The following RCC2 variants were observed in gnomAD, a reference collection of about 807,000 sequenced individuals.
The protein encoded by RCC2 is regulator of chromosome condensation 2, also known as protein RCC2.
In RCC2, 19 loss-of-function variants were observed where a neutral mutation model predicts 64.1. The ratio of observed to expected loss-of-function variants is 0.30; its 90% CI spans 0.21 to 0.44. The LOEUF is 0.44. Ranked by LOEUF, RCC2 falls within the 20% of genes least tolerant of loss-of-function variation. The pLI is 1.00. For synonymous variants in RCC2, 325 were observed against 279.6 expected, an observed-to-expected ratio of 1.16 and a Z score of -1.62; for missense variants, 508 against 710.4, an observed-to-expected ratio of 0.72 and a Z score of 3.24.
At chr1:17,417,790 T>C (rs993662149) in intron 7 of RCC2, among the ~76,000 whole-genome samples, 12 of 152,116 alleles carry the variant, frequency 7.9e-5, no homozygotes, top group African/African-American at 2.7e-4. Context: ...TCAGCCCTTA[T>C]TGGTATGTGT....
chr1:17,428,972 T>G (rs1426002576), intron 3 of RCC2, 134 bp downstream of exon 3: 2 of 705,810 alleles, frequency 2.8e-6, no homozygotes, highest in Non-Finnish European at 5.1e-6. Flanking sequence ...ACAGTGGCTG[T>G]GTGGCCTCAG....
intron 2 of RCC2, among the ~76,000 whole-genome samples, chr1:17,430,831 C>CGATT (rs2075667930): frequency 6.6e-6 from 1 of 151,772 alleles, no homozygotes; most frequent in Non-Finnish European, 1.5e-5. Flanking sequence ...CGGGTTCAAA[C>CGATT]GATTCTCTTG....
intron 11 of RCC2, among the ~76,000 whole-genome samples, chr1:17,411,780 G>GT (rs1488485807): frequency 2.0e-5 from 3 of 152,190 alleles, no homozygotes; most frequent in Non-Finnish European, 4.4e-5. Context: ...ACAACTGTGA[G>GT]TTTCCCACTG....
At position 17,416,395 on chromosome 1, in the gene RCC2, C is replaced by T. The variant is rs1029587334; in HGVS notation, c.1026+85G>A. On this transcript the variant is annotated intron_variant, in intron 8 of 12. Transcript: ENST00000375436. ...TGTCTACCTGGGATCAGTTCCTAGCCAAAGCCAAGCGTCAGGAAACTTGAG... is the reference window on the plus strand; with the variant it reads ...TGTCTACCTGGGATCAGTTCCTAGCTAAAGCCAAGCGTCAGGAAACTTGAG... 4 of 1,463,694 alleles carry T rather than the reference C, an allele frequency of 2.7e-6. No individual in the cohort carries two copies. In the African/African-American group the frequency reaches 4.2e-5, roughly 15 times the overall value. The allele number at this position is 1,463,694 out of a possible 1,614,324, so 90.7% of individuals were successfully genotyped here.
Position 17,438,464 on chromosome 1 carries a change from GC to G in RCC2, c.50del (p.Gly17AlafsTer91). On this transcript the variant is annotated frameshift_variant, in exon 2 of 13. Transcript: ENST00000375436. LOFTEE classifies it high-confidence loss of function. ...AAAAWEEPSSGNGTARAGPRK... is the reference protein window; with the variant it reads ...AAAAWEEPSSXNGTARAGPRK... ...TGGGCCCGGCGCGGGCAGTGCCGTT[GC>G]CCGAGCTCGGCTCCTCCCAGGCCGC... 7.5e-7 allele frequency: 1 copy of G among 1,325,948 alleles called. No individual in the cohort carries two copies. The highest frequency in any genetic ancestry group is 9.6e-7 in the Non-Finnish European group (1 of 1,041,906). 82.1% of individuals were successfully genotyped at this position (1,325,948 alleles called of 1,614,324 possible).
chr1:17,422,581 G>A, intron 5 of RCC2, 124 bp downstream of exon 5: 3 of 1,304,488 alleles, frequency 2.3e-6, no homozygotes, highest in African/African-American at 1.5e-5. Context: ...AAGGTTCTCA[G>A]GGCCTCTTTC....
In RCC2 at chr1:17,425,633, C is replaced by G. The variant is rs1325576382; in HGVS notation, c.431G>C (p.Cys144Ser). 5 of 1,614,064 alleles carry G rather than the reference C, an allele frequency of 3.1e-6. No individual in the cohort carries two copies. The highest frequency in any genetic ancestry group is 4.2e-6 in the Non-Finnish European group (5 of 1,179,932). The change falls in exon 4 of 13, where the codon TGC (cysteine) becomes TCC (serine). Residue 144 changes from cysteine (C) to serine (S), a missense_variant. Coordinates refer to ENST00000375436, the MANE Select transcript of RCC2 (RefSeq NM_018715.4). ...TGTCCGCACCCGGACCCCCGCCAGG[C>G]ACCCATATCTGTGGGGCCCCCACAA... ...QNLWGPHRYG[C>S]LAGVRVRTVV...
chr1:17,439,330 C>CTT (rs34171604), intron 1 of RCC2, among the ~76,000 whole-genome samples: 18 of 139,382 alleles, frequency 1.3e-4, no homozygotes, highest in East Asian at 4.3e-4. Flanking sequence ...CCCCTGTCTG[C>CTT]TTTTTTTTTT....
Position 17,420,817 on chromosome 1 carries a change from G to C in RCC2, c.756C>G (p.Asn252Lys), listed in dbSNP as rs778165911. Residue 252 changes from asparagine (N) to lysine (K), a missense_variant, in exon 7 of 13, where the codon AAC becomes AAG. Transcript: ENST00000375436. Reference protein sequence around the residue: ...AVPSPAQIMYNGQPITKMACG... With the variant: ...AVPSPAQIMYKGQPITKMACG... ...AGGCCATTTTGGTAATTGGCTGGCC[G>C]TTGTACATTATCTGAAAAGACAAGA... The C allele has an allele frequency of 1.3e-6, 2 of 1,598,674 alleles. No individual in the cohort carries two copies. The highest frequency in any genetic ancestry group is 8.5e-7 in the Non-Finnish European group (1 of 1,174,162).
chr1:17,429,282 CGAAA>C, intron 2 of RCC2, 83 bp from the exon 3 acceptor site: 1 of 1,087,686 alleles, frequency 9.2e-7, no homozygotes, highest in Non-Finnish European at 1.4e-6. Flanking sequence ...CAGCACGAAA[CGAAA>C]GAAAATCATT....
chr1:17,432,545 T>C (rs1448156783), intron 2 of RCC2, among the ~76,000 whole-genome samples: 3 of 152,128 alleles, frequency 2.0e-5, no homozygotes, highest in Non-Finnish European at 4.4e-5. Flanking sequence ...ACCATTGAAG[T>C]CAAACCACCC....
rs1441825800 is a variant in RCC2 at position 17,416,513 on chromosome 1, A to C, written c.993T>G (p.Val331=). The stretch of plus-strand genomic sequence containing the variant: ...TAGCGCCACAGGCCACGTCTCGTAC[A>C]ACCACGTTTGGTACAGGCAGAATCT... The part of the protein sequence containing the change: ...DGQILPVPNV[V]VRDVACGANH... Residue 331 remains valine, a synonymous_variant, in exon 8 of 13, where the codon GTT becomes GTG. Coordinates refer to ENST00000375436, the MANE Select transcript of RCC2 (RefSeq NM_018715.4). The C allele has an allele frequency of 2.5e-6, 4 of 1,613,648 alleles. No individual in the cohort carries two copies. The highest frequency in any genetic ancestry group is 3.4e-6 in the Non-Finnish European group (4 of 1,179,972).
intron 7 of RCC2, 67 bp downstream of exon 7, chr1:17,420,647 A>T: frequency 9.8e-7 from 1 of 1,023,548 alleles, no homozygotes; most frequent in Non-Finnish European, 1.5e-6. Flanking sequence ...GTGCAGCCCC[A>T]CACTGATCTC....
intron 2 of RCC2, among the ~76,000 whole-genome samples, chr1:17,433,943 A>G (rs2100395457): frequency 6.6e-6 from 1 of 152,254 alleles, no homozygotes; most frequent in South Asian, 2.1e-4. Context: ...TGCTCCTTTC[A>G]GATTCAACAC....
chr1:17,438,623 GC>G (rs1570219242), intron 1 of RCC2, 101 bp from the exon 2 acceptor site: 2 of 1,165,386 alleles, frequency 1.7e-6, no homozygotes, highest in African/African-American at 1.6e-5. Context: ...TTCCTCCTCT[GC>G]CCTCCCCAAA....
intron 7 of RCC2, among the ~76,000 whole-genome samples, chr1:17,419,809 T>C (rs1473416000): frequency 6.6e-6 from 1 of 152,164 alleles, no homozygotes; most frequent in Non-Finnish European, 1.5e-5. Context: ...GCTGTGGCCA[T>C]GGAAACCGCT....
At chr1:17,431,392 T>C in intron 2 of RCC2, among the ~76,000 whole-genome samples, 1 of 81,470 alleles carries the variant, frequency 1.2e-5, no homozygotes, top group Non-Finnish European at 2.3e-5. Flanking sequence ...GTGGGCTGGG[T>C]GTGGTGGCTC....
chr1:17,412,909 C>G (rs1188226892), intron 10 of RCC2, among the ~76,000 whole-genome samples, 164 bp downstream of exon 10: 1 of 152,214 alleles, frequency 6.6e-6, no homozygotes, highest in Non-Finnish European at 1.5e-5. Flanking sequence ...CCTCTCCCCT[C>G]CTGTACCCCC....
chr1:17,424,893 T>C (rs2100377921), intron 4 of RCC2, among the ~76,000 whole-genome samples: 1 of 152,142 alleles, frequency 6.6e-6, no homozygotes, highest in Middle Eastern at 3.4e-3. Flanking sequence ...GACAGTGCCG[T>C]GGACAGAGGC....
Sources: allele counts gnomAD v4.1 joint callset (sites outside exome capture counted in the v4.1 genomes callset), GRCh38; gene constraint gnomAD v4.1.1; transcripts MANE v1.5; gene names NCBI Gene and HGNC (gene_info 2026-07-23, HGNC 2026-07-21).